CKMT2: variants seen among roughly 807,000 people sequenced by gnomAD.
CKMT2 encodes creatine kinase S-type, mitochondrial.
A neutral mutation model predicts 48.9 loss-of-function variants in CKMT2; 43 were observed. The ratio of observed to expected loss-of-function variants is 0.88; its 90% CI spans 0.69 to 1.13. The LOEUF (loss-of-function observed/expected upper bound fraction) is 1.13. CKMT2 is among the 50% of genes most tolerant of loss of function. CKMT2 has a pLI of 0.00. For missense variants in CKMT2, 472 were observed against 555.4 expected, an observed-to-expected ratio of 0.85 and a Z score of 1.51; for synonymous variants, 206 against 213.0, an observed-to-expected ratio of 0.97 and a Z score of 0.29.
chr5:81,244,103 G>A, intron 1 of CKMT2: 1 of 985,446 alleles, frequency 1.0e-6, no homozygotes, highest in Non-Finnish European at 1.2e-6. Context: ...GGAACCAGGG[G>A]AGATGTCAAC....
intron 1 of CKMT2, among the ~76,000 whole-genome samples, chr5:81,242,061 G>A (rs950999476): frequency 6.6e-6 from 1 of 152,014 alleles, no homozygotes; most frequent in African/African-American, 2.4e-5. Context: ...TGTCACATAC[G>A]GACATCTCTG....
chr5:81,254,871 C>T, intron 4 of CKMT2, 122 bp from the exon 5 acceptor site: 1 of 777,164 alleles, frequency 1.3e-6, no homozygotes, highest in South Asian at 1.5e-5. Context: ...ACGGATTGTG[C>T]AGTCGTGCAC....
chr5:81,266,054 C>A, intron 9 of CKMT2, 85 bp from the exon 10 acceptor site: 1 of 1,274,782 alleles, frequency 7.8e-7, no homozygotes, highest in Non-Finnish European at 1.1e-6. Context: ...GGCAAGTTCT[C>A]ATTTATCACA....
chr5:81,257,733 G>C lies in CKMT2; in HGVS notation c.756G>C (p.Trp252Cys). The C allele has an allele frequency of 6.2e-7, 1 of 1,610,630 alleles. No homozygotes were observed. The highest frequency in any genetic ancestry group is 8.5e-7 in the Non-Finnish European group (1 of 1,178,126). The change falls in exon 7 of 10, where the codon TGG becomes TGC. Residue 252 changes from tryptophan (W) to cysteine (C), a missense_variant and splice_region_variant. Transcript: ENST00000254035. The stretch of plus-strand genomic sequence containing the variant: ...AGTACCATATTTCTCTCTTCATTAG[G>C]CATAATTATGATAAGACATTTCTCA... The part of the protein sequence containing the change: ...ARDWPDARGI[W>C]HNYDKTFLIW...
At chr5:81,250,978 C>CACACACACACAG in intron 1 of CKMT2, 135 bp from the exon 2 acceptor site, 1 of 646,438 alleles carries the variant, frequency 1.5e-6, no homozygotes. Flanking sequence ...CACACACACA[C>CACACACACACAG]AGAAAGAGAG....
intron 1 of CKMT2, among the ~76,000 whole-genome samples, chr5:81,237,114 A>C (rs765293625): frequency 1.2e-4 from 19 of 152,198 alleles, no homozygotes; most frequent in Non-Finnish European, 2.5e-4. Context: ...GCACCACTGC[A>C]CTCCAGCCTG....
At chr5:81,237,581 CTTT>C (rs1756286651) in intron 1 of CKMT2, 1 of 152,126 alleles carries the variant, frequency 6.6e-6, no homozygotes, top group Non-Finnish European at 1.5e-5. Context: ...TAGGTTTTTA[CTTT>C]TTTATCATAA....
chr5:81,234,397 C>T (rs939136710), intron 1 of CKMT2, among the ~76,000 whole-genome samples: 1 of 152,166 alleles, frequency 6.6e-6, no homozygotes, highest in African/African-American at 2.4e-5. Context: ...CTGTCTACGG[C>T]TCTCACATTT....
intron 3 of CKMT2, 143 bp downstream of exon 3, chr5:81,253,036 AG>A: frequency 1.2e-6 from 1 of 828,530 alleles, no homozygotes; most frequent in Non-Finnish European, 2.0e-6. Context: ...AGCCAGCTCC[AG>A]CAGAACCATC....
At chr5:81,261,636 C>G (rs1050494882) in intron 8 of CKMT2, among the ~76,000 whole-genome samples, 1 of 152,104 alleles carries the variant, frequency 6.6e-6, no homozygotes, top group Non-Finnish European at 1.5e-5. Flanking sequence ...ATACAACTTA[C>G]GAGGGATGTG....
chr5:81,254,927 C>A, intron 4 of CKMT2, 66 bp from the exon 5 acceptor site: 1 of 1,328,260 alleles, frequency 7.5e-7, no homozygotes, highest in Non-Finnish European at 1.1e-6. Context: ...CGATTAGAAC[C>A]CACTGTGGCT....
chr5:81,262,258 A>G (rs1011562605), intron 8 of CKMT2, among the ~76,000 whole-genome samples: 5 of 152,248 alleles, frequency 3.3e-5, no homozygotes, highest in Admixed American at 2.6e-4. Context: ...AACCTAGGCA[A>G]TACCATTCAG....
chr5:81,241,774 A>C (rs900311638), intron 1 of CKMT2, among the ~76,000 whole-genome samples: 1 of 152,242 alleles, frequency 6.6e-6, no homozygotes, highest in Admixed American at 6.5e-5. Context: ...CAATCTCCTT[A>C]GCAGAATGCT....
At chr5:81,246,621 C>T (rs1031398606) in intron 1 of CKMT2, among the ~76,000 whole-genome samples, 2 of 152,174 alleles carry the variant, frequency 1.3e-5, no homozygotes, top group African/African-American at 4.8e-5. Flanking sequence ...CAGTGCCTAA[C>T]AGTAGGCACT....
intron 1 of CKMT2, among the ~76,000 whole-genome samples, chr5:81,240,440 A>G (rs1270907940): frequency 6.6e-6 from 1 of 152,226 alleles, no homozygotes; most frequent in Non-Finnish European, 1.5e-5. Flanking sequence ...CGGCATCCAC[A>G]GTCCTCCATT....
intron 1 of CKMT2, among the ~76,000 whole-genome samples, chr5:81,247,367 TACAA>T (rs1170545759): frequency 3.9e-5 from 6 of 152,234 alleles, no homozygotes; most frequent in Admixed American, 3.9e-4. Flanking sequence ...GATTACCCCT[TACAA>T]ACAAACATCT....
intron 9 of CKMT2, among the ~76,000 whole-genome samples, chr5:81,265,305 C>T (rs1427297985): frequency 2.0e-5 from 3 of 152,166 alleles, no homozygotes; most frequent in Non-Finnish European, 2.9e-5. Context: ...ATTCAACCCT[C>T]TCTTGGGGCC....
rs1383750597 is a variant in CKMT2 at position 81,248,749 on chromosome 5, CTATCCTGTAACCTA to C, written c.-20-2351_-20-2338del. On this transcript the variant is annotated intron_variant, in intron 1 of 9. Transcript: ENST00000254035. The stretch of plus-strand genomic sequence containing the variant: ...AGAACTAATAATCTGATTTCCTGGG[CTATCCTGTAACCTA>C]TATCCTGTAACCCCTACTCAGAAGA... 2.6e-5 allele frequency among the ~76,000 whole-genome samples: 4 copies of C among 152,312 alleles called. No individual in the cohort carries two copies. The East Asian group carries it at 7.7e-4, about 29-fold the overall frequency.
chr5:81,245,762 G>A (rs1756587038), intron 1 of CKMT2, among the ~76,000 whole-genome samples: 2 of 152,126 alleles, frequency 1.3e-5, no homozygotes, highest in Non-Finnish European at 2.9e-5. Flanking sequence ...GGCACAGCAG[G>A]GCCAGAGCTG....
Sources: allele counts gnomAD v4.1 joint callset (sites outside exome capture counted in the v4.1 genomes callset), GRCh38; gene constraint gnomAD v4.1.1; transcripts MANE v1.5; gene names NCBI Gene and HGNC (gene_info 2026-07-23, HGNC 2026-07-21).